The following BABAM2 variants were observed in gnomAD, a reference collection of about 807,000 sequenced individuals.
BABAM2 encodes the protein BRISC and BRCA1 A complex member 2.
BABAM2 carries 31 observed loss-of-function variants against 54.7 expected under a neutral mutation model. The observed-to-expected ratio is 0.57, with a 90% CI of 0.43 to 0.77. The LOEUF (loss-of-function observed/expected upper bound fraction) is 0.77. BABAM2 is among the 30% of genes least tolerant of loss of function. BABAM2 has a pLI of 0.00. For missense variants in BABAM2, 364 were observed against 455.8 expected (o/e 0.80, Z 1.83); for synonymous variants, 167 against 162.9 (o/e 1.03, Z -0.19).
intron 6 of BABAM2, among the ~76,000 whole-genome samples, chr2:28,069,164 C>G (rs548373795): frequency 6.6e-6 from 1 of 152,134 alleles, no homozygotes; most frequent in South Asian, 2.1e-4. Context: ...AGGCGTTTTT[C>G]TTACATCCCC....
In BABAM2 at chr2:28,129,469, A is replaced by G. The variant is rs1337092968; in HGVS notation, c.680+89A>G. The G allele has an allele frequency of 3.2e-5, 36 of 1,135,748 alleles. No individual in the cohort carries two copies. In the East Asian group the frequency reaches 7.3e-4, roughly 23 times the overall value. 70.4% of individuals were successfully genotyped at this position (1,135,748 alleles called of 1,614,324 possible). A position where few individuals can be genotyped will look rare whatever the true frequency, so the allele number is the denominator to read the frequency against. On this transcript the variant is annotated intron_variant, in intron 7 of 11. Transcript: ENST00000379624. ...TCTTTTGCCACTCTTGAACTCTTAC[A>G]TTTATTTCTCTTCATTGACTTTTGT...
chr2:28,060,407 G>A (rs1343283297), intron 6 of BABAM2, among the ~76,000 whole-genome samples: 1 of 152,108 alleles, frequency 6.6e-6, no homozygotes, highest in African/African-American at 2.4e-5. Flanking sequence ...ACTTGATGTT[G>A]TAAAAGACCA....
rs114382562 is a variant in BABAM2 at position 27,972,198 on chromosome 2, A to G, written c.206-15795A>G. On this transcript the variant is annotated intron_variant, in intron 3 of 11. Transcript: ENST00000379624. ...TGTCTTATTATTAACCACTGAAAGA[A>G]CTAGGCATATTTAACCTGGAGAAGA... Among the ~76,000 whole-genome samples, 709 of 152,334 alleles carry G rather than the reference A, an allele frequency of 4.7e-3. 5 individuals carry two copies. The highest frequency in any genetic ancestry group is 8.1e-3 in the Non-Finnish European group (551 of 68,022).
intron 6 of BABAM2, among the ~76,000 whole-genome samples, chr2:28,090,016 C>CT (rs1423179774): frequency 6.6e-6 from 1 of 152,034 alleles, no homozygotes; most frequent in African/African-American, 2.4e-5. Context: ...TGTCCTCAGA[C>CT]AAGTTAGCAG....
chr2:28,315,668 T>TTC (rs1553365694), intron 11 of BABAM2, among the ~76,000 whole-genome samples: 2 of 150,896 alleles, frequency 1.3e-5, no homozygotes, highest in African/African-American at 4.9e-5. Context: ...TTTTTTATTT[T>TTC]TTTTTTTAGA....
At chr2:28,068,799 C>T (rs1663860087) in intron 6 of BABAM2, among the ~76,000 whole-genome samples, 1 of 152,124 alleles carries the variant, frequency 6.6e-6, no homozygotes, top group South Asian at 2.1e-4. Context: ...ACCGACATAT[C>T]TTATAGTTTT....
At chr2:28,243,661 C>G (rs1455140873) in intron 9 of BABAM2, among the ~76,000 whole-genome samples, 2 of 151,988 alleles carry the variant, frequency 1.3e-5, no homozygotes, top group Non-Finnish European at 2.9e-5. Flanking sequence ...GAGCCAAGAT[C>G]GCACCACTGC....
At chr2:28,307,207 A>G (rs1473610044) in intron 11 of BABAM2, among the ~76,000 whole-genome samples, 2 of 146,122 alleles carry the variant, frequency 1.4e-5, no homozygotes, top group Non-Finnish European at 3.0e-5. Flanking sequence ...GGGTTTTGCC[A>G]TATTGGCCAG....
At chr2:28,264,354 A>G (rs1306956618) in intron 10 of BABAM2, among the ~76,000 whole-genome samples, 2 of 152,224 alleles carry the variant, frequency 1.3e-5, no homozygotes, top group African/African-American at 4.8e-5. Context: ...GAAAAAAGAA[A>G]AAAAACTCTT....
intron 3 of BABAM2, among the ~76,000 whole-genome samples, chr2:27,936,785 C>G (rs1668516704): frequency 6.6e-6 from 1 of 151,410 alleles, no homozygotes; most frequent in South Asian, 2.1e-4. Context: ...ACATCACACT[C>G]TGGGGACTGT....
chr2:28,334,023 A>C (rs10865494), intron 11 of BABAM2, among the ~76,000 whole-genome samples: 134,316 of 152,198 alleles, frequency 0.88, 59,587 homozygotes, highest in East Asian at 1. Context: ...CCCTCCTCCC[A>C]CTCCGTTAAC....
At chr2:28,223,758 A>G (rs1030259158) in intron 7 of BABAM2, among the ~76,000 whole-genome samples, 3 of 152,212 alleles carry the variant, frequency 2.0e-5, no homozygotes, top group African/African-American at 4.8e-5. Flanking sequence ...TTCCTTCTGT[A>G]TGGTTGAAAC....
chr2:28,184,581 T>C (rs1676075474), intron 7 of BABAM2, among the ~76,000 whole-genome samples: 1 of 151,278 alleles, frequency 6.6e-6, no homozygotes, highest in Non-Finnish European at 1.5e-5. Context: ...ATGCAGTGTT[T>C]GGTTTTTTGT....
chr2:28,260,825 A>G (rs12714228), intron 10 of BABAM2, among the ~76,000 whole-genome samples: 61,510 of 151,976 alleles, frequency 0.4, 14,191 homozygotes, highest in East Asian at 0.99. Flanking sequence ...TTCATTTCCC[A>G]TAGCAATGTT....
intron 6 of BABAM2, among the ~76,000 whole-genome samples, chr2:28,075,212 A>G (rs927558875): frequency 3.9e-5 from 6 of 152,180 alleles, no homozygotes; most frequent in Non-Finnish European, 7.3e-5. Flanking sequence ...CTTGATCACA[A>G]TGGACACTTT....
At chr2:27,937,301 T>G (rs966955842) in intron 3 of BABAM2, among the ~76,000 whole-genome samples, 3 of 152,186 alleles carry the variant, frequency 2.0e-5, no homozygotes, top group Non-Finnish European at 4.4e-5. Flanking sequence ...TTTTTTGAAT[T>G]TTTGTTTTTA....
At chr2:28,275,418 G>C (rs1479423466) in intron 10 of BABAM2, among the ~76,000 whole-genome samples, 1 of 152,214 alleles carries the variant, frequency 6.6e-6, no homozygotes, top group African/African-American at 2.4e-5. Context: ...CAGGTCACCT[G>C]CTCTTGCCTC....
At chr2:28,090,311 C>G (rs910242645) in intron 6 of BABAM2, among the ~76,000 whole-genome samples, 3 of 152,142 alleles carry the variant, frequency 2.0e-5, no homozygotes, top group African/African-American at 7.2e-5. Flanking sequence ...GTGGCGTGAT[C>G]TTGGCTCACC....
intron 6 of BABAM2, among the ~76,000 whole-genome samples, chr2:28,062,253 G>C (rs6547823): frequency 7.1e-6 from 1 of 140,034 alleles, no homozygotes; most frequent in Non-Finnish European, 1.5e-5. Context: ...GCAGGAGTCC[G>C]TCTCAAAAAA....
Sources: allele counts gnomAD v4.1 joint callset (sites outside exome capture counted in the v4.1 genomes callset), GRCh38; gene constraint gnomAD v4.1.1; transcripts MANE v1.5; gene names NCBI Gene and HGNC (gene_info 2026-07-23, HGNC 2026-07-21).